PCM1: variants seen among roughly 807,000 people sequenced by gnomAD.
The protein encoded by PCM1 is pericentriolar material 1 protein.
Under a neutral mutation model 241.9 loss-of-function variants are expected in PCM1, and 157 were observed. That is an observed-to-expected ratio of 0.65 (90% CI 0.57 to 0.74). The LOEUF is 0.74. PCM1 is among the 30% of genes least tolerant of loss of function. PCM1 has a pLI of 0.00. For missense variants in PCM1, 3,478 were observed against 2,360.1 expected (o/e 1.47, Z -9.81); for synonymous variants, 1,085 against 784.9 (o/e 1.38, Z -6.39).
chr8:18,007,323 A>G (rs437707), intron 30 of PCM1, among the ~76,000 whole-genome samples: 23,467 of 152,142 alleles, frequency 0.15, 2,266 homozygotes, highest in African/African-American at 0.28. Flanking sequence ...GCAAATTTGT[A>G]TCACTGTAAT....
rs746038417 is a variant in PCM1, at chr8:18,009,596, ATCT to A, written c.5017_5019del (p.Leu1673del). ...AGAAAACTGAAAGACTGTGGAGAAG[ATCT>A]TCTTGTAGAGATATCTGAAGTGTTG... is the stretch of plus-strand genomic sequence containing the variant. On this transcript the variant is annotated inframe_deletion, in exon 31 of 39. Transcript: ENST00000325083. The A allele has an allele frequency of 3.2e-5, 52 of 1,603,056 alleles. No individual in the cohort carries two copies. Among genetic ancestry groups the A allele is most frequent in the East Asian group, 4.5e-5 (2 of 44,562 alleles).
intron 2 of PCM1, chr8:17,925,198 T>G (rs1317904170): frequency 6.6e-6 from 1 of 152,236 alleles, no homozygotes; most frequent in East Asian, 1.9e-4. Flanking sequence ...TGACCGAAAT[T>G]TAGTTGTCTA....
At chr8:18,003,503 C>A (rs951034588) in intron 29 of PCM1, among the ~76,000 whole-genome samples, 1 of 152,174 alleles carries the variant, frequency 6.6e-6, no homozygotes, top group African/African-American at 2.4e-5. Flanking sequence ...GGAGCCAGCC[C>A]AAATGTTATT....
intron 23 of PCM1, among the ~76,000 whole-genome samples, chr8:17,978,941 C>T (rs76782899): frequency 6.6e-6 from 1 of 151,956 alleles, no homozygotes; most frequent in African/African-American, 2.4e-5. Flanking sequence ...GACAAATAAT[C>T]ATAGAAGCTA....
chr8:18,017,010 G>C (rs1051315164), intron 36 of PCM1, among the ~76,000 whole-genome samples: 6 of 152,208 alleles, frequency 3.9e-5, no homozygotes, highest in Admixed American at 6.5e-5. Context: ...ATTTCTGTCA[G>C]TTTCTACGCA....
chr8:17,981,093 A>G (rs1290106486), intron 24 of PCM1, among the ~76,000 whole-genome samples: 5 of 152,192 alleles, frequency 3.3e-5, no homozygotes, highest in East Asian at 1.9e-4. Context: ...TACTGTGCCT[A>G]CAGGATAAAG....
intron 8 of PCM1, among the ~76,000 whole-genome samples, chr8:17,951,275 C>G (rs1657501969): frequency 6.6e-6 from 1 of 152,162 alleles, no homozygotes; most frequent in South Asian, 2.1e-4. Flanking sequence ...GAATTAATGC[C>G]TCTCCATTGG....
At chr8:17,968,477 C>T (rs1323510546) in intron 21 of PCM1, among the ~76,000 whole-genome samples, 1 of 151,876 alleles carries the variant, frequency 6.6e-6, no homozygotes, top group Non-Finnish European at 1.5e-5. Context: ...TAGGCCTTGT[C>T]AGTAGGGATC....
At chr8:18,015,262 A>AC (rs1394548460) in intron 36 of PCM1, among the ~76,000 whole-genome samples, 6 of 151,992 alleles carry the variant, frequency 3.9e-5, no homozygotes, top group South Asian at 2.1e-4. Flanking sequence ...AAAAAAAAAA[A>AC]AAACTAGGAA....
At chr8:17,964,120 C>A (rs1015434826) in intron 17 of PCM1, among the ~76,000 whole-genome samples, 25 of 152,102 alleles carry the variant, frequency 1.6e-4, no homozygotes, top group Non-Finnish European at 1.3e-4. Flanking sequence ...ATTTAAATTT[C>A]AATCAAATGA....
rs751796265 is a variant in PCM1 at position 17,939,826 on chromosome 8, G to A, written c.748G>A (p.Glu250Lys). 2 of 1,519,642 alleles carry A rather than the reference G, an allele frequency of 1.3e-6. No individual in the cohort carries two copies. The highest frequency in any genetic ancestry group is 1.2e-5 in the South Asian group (1 of 80,726). The allele number at this position is 1,519,642 out of a possible 1,614,324, so 94.1% of individuals were successfully genotyped here. Residue 250 changes from glutamate (E) to lysine (K), a missense_variant, in exon 6 of 39, where the codon GAG becomes AAG. Coordinates refer to ENST00000325083, the MANE Select transcript of PCM1 (RefSeq NM_006197.4). Reference sequence around the variant, plus strand: ...TCTAATAGATCACCTTAAAGAACAAGAGAAGTCATATATGAAATTTCTTAA... The same window carrying A: ...TCTAATAGATCACCTTAAAGAACAAAAGAAGTCATATATGAAATTTCTTAA... ...THLIDHLKEQ[E>K]KSYMKFLKKI...
In PCM1 at chr8:17,957,408, G is replaced by A; in HGVS notation, c.1791G>A (p.Met597Ile). Residue 597 changes from methionine to isoleucine, a missense_variant, in exon 12 of 39, where the codon ATG becomes ATA. Met to Ile is a conservative substitution (Grantham distance 10). Coordinates refer to ENST00000325083, the MANE Select transcript of PCM1 (RefSeq NM_006197.4). ...CTGCCAACATAAGGGCTCTAAACAT[G>A]CCTCCTTCTTTAGGTATGACTGACT... is the stretch of plus-strand genomic sequence containing the variant. ...RSAANIRALN[M>I]PPSLDCRYNR... 6.2e-7 allele frequency: 1 copy of A among 1,612,142 alleles called. No homozygotes were observed. The highest frequency in any genetic ancestry group is 8.5e-7 in the Non-Finnish European group (1 of 1,178,782).
At chr8:18,018,583 C>T (rs893483778) in intron 36 of PCM1, among the ~76,000 whole-genome samples, 8 of 151,832 alleles carry the variant, frequency 5.3e-5, no homozygotes, top group Non-Finnish European at 1.0e-4. Context: ...GAGGCCGAGG[C>T]GGGCGGATCA....
At chr8:17,998,296 A>G (rs570851063) in intron 29 of PCM1, among the ~76,000 whole-genome samples, 1 of 151,878 alleles carries the variant, frequency 6.6e-6, no homozygotes, top group Non-Finnish European at 1.5e-5. Flanking sequence ...TAGGCCTTGT[A>G]TCTTGTAGGC....
intron 36 of PCM1, among the ~76,000 whole-genome samples, chr8:18,016,034 G>A (rs180886100): frequency 2.0e-5 from 3 of 152,168 alleles, no homozygotes; most frequent in South Asian, 4.1e-4. Context: ...GATTACAGAC[G>A]TGTGTCACCA....
rs1564178533 is a variant in PCM1 at position 17,986,027 on chromosome 8, T to C, written c.4350T>C (p.Gly1450=). The C allele has an allele frequency of 1.9e-6, 3 of 1,600,382 alleles. No homozygotes were observed. The highest frequency in any genetic ancestry group is 2.6e-6 in the Non-Finnish European group (3 of 1,170,078). ...KGENVKSVNS[G]TWIASNSELT... is the part of the protein sequence containing the mutation. ...AAAATGTAAAGTCAGTAAACTCTGG[T>C]ACTTGGATAGCATCAAACTCAGAAC... The change falls in exon 26 of 39, where the codon GGT becomes GGC. Residue 1450 remains glycine (G), a synonymous_variant. Transcript: ENST00000325083.
intron 26 of PCM1, among the ~76,000 whole-genome samples, chr8:17,986,509 C>T (rs977837767): frequency 3.4e-5 from 5 of 145,938 alleles, no homozygotes; most frequent in Non-Finnish European, 6.0e-5. Context: ...AGACAAAAGT[C>T]TTCCAGGAAA....
At chr8:17,973,512 A>G (rs1396857192) in intron 23 of PCM1, among the ~76,000 whole-genome samples, 1 of 152,086 alleles carries the variant, frequency 6.6e-6, no homozygotes, top group Non-Finnish European at 1.5e-5. Context: ...TGAGAGCAGG[A>G]GTTTGAGACC....
rs536845922 is a variant in PCM1 at position 17,936,337 on chromosome 8, G to A, written c.96+631G>A. On this transcript the variant is annotated intron_variant, in intron 3 of 38. Coordinates refer to ENST00000325083, the MANE Select transcript of PCM1 (RefSeq NM_006197.4). ...GTGGAAGGACAGTTCATAAAGAAGG[G>A]GGTTTTGTTAAAATAAGGAAAATAT... is the stretch of plus-strand genomic sequence containing the variant. Among the ~76,000 whole-genome samples, 4 of 151,998 alleles carry A rather than the reference G, an allele frequency of 2.6e-5. No individual in the cohort carries two copies. The South Asian group carries it at 6.2e-4, about 24-fold the overall frequency.
Sources: gnomAD v4.1 joint callset for allele counts (sites outside exome capture counted in the v4.1 genomes callset) on GRCh38, gnomAD v4.1.1 for gene constraint, MANE v1.5 for transcripts, NCBI Gene and HGNC (gene_info 2026-07-23, HGNC 2026-07-21) for gene names.